Variants in RBFOX1 observed in about 807,000 individuals in gnomAD.
The protein encoded by RBFOX1 is RNA binding fox-1 homolog 1, also known as RNA binding protein fox-1 homolog 1.
In RBFOX1, 8 loss-of-function variants were observed where a neutral mutation model predicts 57.7. The observed-to-expected ratio is 0.14, with a 90% CI of 0.08 to 0.25. The LOEUF (loss-of-function observed/expected upper bound fraction) is 0.25. Ranked by LOEUF, RBFOX1 falls within the 10% of genes least tolerant of loss-of-function variation. The pLI is 1.00. For synonymous variants in RBFOX1, 326 were observed against 222.4 expected, an observed-to-expected ratio of 1.47 and a Z score of -4.15; for missense variants, 611 against 548.5, an observed-to-expected ratio of 1.11 and a Z score of -1.14.
At chr16:7,408,218 A>G (rs1472136904) in intron 4 of RBFOX1, among the ~76,000 whole-genome samples, 1 of 152,206 alleles carries the variant, frequency 6.6e-6, no homozygotes, top group Non-Finnish European at 1.5e-5. Flanking sequence ...TCTCAAGTTA[A>G]GGGAGACTGA....
At chr16:7,549,070 A>C (rs982369193) in intron 5 of RBFOX1, among the ~76,000 whole-genome samples, 1 of 152,234 alleles carries the variant, frequency 6.6e-6, no homozygotes, top group African/African-American at 2.4e-5. Context: ...CTTTCTGAAG[A>C]GGCGACATTT....
chr16:7,213,268 C>G (rs2091474694), intron 4 of RBFOX1, among the ~76,000 whole-genome samples: 1 of 152,176 alleles, frequency 6.6e-6, no homozygotes, highest in African/African-American at 2.4e-5. Context: ...GTTCCCCATT[C>G]TGGCTGCAAC....
chr16:7,572,078 G>T (rs1019917031), intron 5 of RBFOX1, among the ~76,000 whole-genome samples: 1 of 152,184 alleles, frequency 6.6e-6, no homozygotes, highest in Non-Finnish European at 1.5e-5. Flanking sequence ...AGTGAACCAA[G>T]ATCGCACCAT....
chr16:6,020,092 C>T (rs574266809), intron 1 of RBFOX1, 100 bp downstream of exon 1: 31 of 1,282,354 alleles, frequency 2.4e-5, no homozygotes, highest in Middle Eastern at 2.0e-4. Flanking sequence ...CGAGAACTGG[C>T]CTCCTCCTAG....
At chr16:5,536,010 C>G (rs1012443398) in intron 2 of RBFOX1, among the ~76,000 whole-genome samples, 2 of 152,100 alleles carry the variant, frequency 1.3e-5, no homozygotes, top group Non-Finnish European at 2.9e-5. Context: ...CGAAATCTTT[C>G]TCTAGCCCCC....
At chr16:6,067,869 T>C (rs937744964) in intron 1 of RBFOX1, among the ~76,000 whole-genome samples, 1 of 152,248 alleles carries the variant, frequency 6.6e-6, no homozygotes, top group Non-Finnish European at 1.5e-5. Flanking sequence ...TCTAGACACT[T>C]AAGCATATGT....
intron 1 of RBFOX1, among the ~76,000 whole-genome samples, chr16:5,454,292 G>A (rs888946975): frequency 2.0e-5 from 3 of 152,184 alleles, no homozygotes; most frequent in Non-Finnish European, 4.4e-5. Flanking sequence ...TTGCTGTGTA[G>A]CAAACCACCC....
At position 5,684,669 on chromosome 16, in the gene RBFOX1, C is replaced by T. The variant is rs77929864; in HGVS notation, c.318+85708C>T. 6.8e-3 allele frequency among the ~76,000 whole-genome samples: 1,030 copies of T among 152,296 alleles called. 10 individuals carry two copies. The highest frequency in any genetic ancestry group is 0.024 in the African/African-American group (989 of 41,562). ...AAAGTTTGGAATGATTCAGCCTTTT[C>T]ATCAGCTTCTCCCTCAGCAGGGAGC... On this transcript the variant is annotated intron_variant, in intron 3 of 19. Coordinates refer to the RBFOX1 transcript ENST00000641259.
intron 1 of RBFOX1, among the ~76,000 whole-genome samples, chr16:5,305,721 C>T (rs183979553): frequency 4.6e-4 from 70 of 152,246 alleles, no homozygotes; most frequent in Admixed American, 2.8e-3. Flanking sequence ...GGGTGGTGGG[C>T]AGCCATTTAA....
At chr16:6,705,769 G>A (rs577268993) in intron 3 of RBFOX1, among the ~76,000 whole-genome samples, 2 of 152,268 alleles carry the variant, frequency 1.3e-5, no homozygotes, top group East Asian at 3.9e-4. Flanking sequence ...TGTAATCCCA[G>A]CAATTTGGGA....
chr16:7,438,105 A>G (rs1454794006), intron 4 of RBFOX1, among the ~76,000 whole-genome samples: 2 of 152,212 alleles, frequency 1.3e-5, no homozygotes, highest in African/African-American at 4.8e-5. Context: ...GTCTGACATC[A>G]GCTATTAAAA....
chr16:5,697,037 C>T (rs530698627), intron 3 of RBFOX1, among the ~76,000 whole-genome samples: 13 of 152,138 alleles, frequency 8.5e-5, no homozygotes, highest in African/African-American at 2.6e-4. Flanking sequence ...CTCAGCCTCC[C>T]GAGTAGGTGG....
At chr16:6,470,867 A>G (rs998195078) in intron 2 of RBFOX1, among the ~76,000 whole-genome samples, 4 of 152,022 alleles carry the variant, frequency 2.6e-5, no homozygotes, top group African/African-American at 9.7e-5. Context: ...CTATTTATCA[A>G]ATATTTACCA....
chr16:7,264,872 G>A (rs531816876), intron 4 of RBFOX1, among the ~76,000 whole-genome samples: 1 of 152,190 alleles, frequency 6.6e-6, no homozygotes, highest in Non-Finnish European at 1.5e-5. Context: ...ATTGATACAT[G>A]ACTATTTGAG....
intron 1 of RBFOX1, among the ~76,000 whole-genome samples, chr16:6,166,550 G>C (rs541137047): frequency 6.6e-6 from 1 of 152,008 alleles, no homozygotes; most frequent in South Asian, 2.1e-4. Flanking sequence ...GACAGTCTTC[G>C]TGTGGTGACA....
At chr16:5,525,157 C>T (rs1417968651) in intron 2 of RBFOX1, among the ~76,000 whole-genome samples, 1 of 152,080 alleles carries the variant, frequency 6.6e-6, no homozygotes, top group Non-Finnish European at 1.5e-5. Context: ...GTGATGCTCC[C>T]AGGGCAGAGT....
At chr16:6,632,440 T>C (rs1255480952) in intron 2 of RBFOX1, among the ~76,000 whole-genome samples, 2 of 152,208 alleles carry the variant, frequency 1.3e-5, no homozygotes, top group East Asian at 1.9e-4. Flanking sequence ...GAGAATGATA[T>C]TCCTGTGGTT....
intron 4 of RBFOX1, among the ~76,000 whole-genome samples, chr16:7,342,854 C>G (rs866915727): frequency 1.3e-5 from 2 of 152,192 alleles, no homozygotes; most frequent in Non-Finnish European, 1.5e-5. Context: ...AAGTCCCAGC[C>G]TCTGTCCTCA....
intron 1 of RBFOX1, among the ~76,000 whole-genome samples, chr16:6,069,398 CAAAAAA>C (rs34337622): frequency 8.8e-6 from 1 of 113,942 alleles, no homozygotes; most frequent in Non-Finnish European, 1.8e-5. Flanking sequence ...AACTCTGCCT[CAAAAAA>C]AAAAAAAAAA....
Sources: allele counts gnomAD v4.1 joint callset (sites outside exome capture counted in the v4.1 genomes callset), GRCh38; gene constraint gnomAD v4.1.1; transcripts MANE v1.5; gene names NCBI Gene and HGNC (gene_info 2026-07-23, HGNC 2026-07-21).